PDGFD: variants seen among roughly 807,000 people sequenced by gnomAD.
PDGFD encodes the protein platelet-derived growth factor D.
In PDGFD, 30 loss-of-function variants were observed where a neutral mutation model predicts 44.7. That is an observed-to-expected ratio of 0.67 (90% CI 0.50 to 0.91). The LOEUF is 0.91. PDGFD is among the 40% of genes least tolerant of loss of function. The pLI is 0.00. For synonymous variants in PDGFD, 173 were observed against 168.4 expected (o/e 1.03, Z -0.21); for missense variants, 445 against 457.8 (o/e 0.97, Z 0.25).
At chr11:104,075,927 G>T (rs903395263) in intron 1 of PDGFD, among the ~76,000 whole-genome samples, 2 of 152,088 alleles carry the variant, frequency 1.3e-5, no homozygotes, top group African/African-American at 4.8e-5. Context: ...TATCTGATAC[G>T]GTTAGGCTTT....
chr11:104,090,814 G>A (rs1265951790), intron 1 of PDGFD, among the ~76,000 whole-genome samples: 1 of 152,072 alleles, frequency 6.6e-6, no homozygotes, highest in African/African-American at 2.4e-5. Flanking sequence ...AGGTCCAGCA[G>A]CTAAGTGCCT....
At chr11:104,103,529 G>A (rs1183541767) in intron 1 of PDGFD, among the ~76,000 whole-genome samples, 1 of 144,666 alleles carries the variant, frequency 6.9e-6, no homozygotes, top group Non-Finnish European at 1.5e-5. Context: ...TATATGGAAG[G>A]ATCTACCCAA....
At chr11:104,050,702 G>A (rs1362251924) in intron 1 of PDGFD, among the ~76,000 whole-genome samples, 3 of 152,232 alleles carry the variant, frequency 2.0e-5, no homozygotes, top group East Asian at 3.9e-4. Context: ...CAGTACTGCA[G>A]GTCTGGGGTA....
At chr11:104,144,507 C>CAAAAAAAAAAAAAAAAA (rs201864924) in intron 1 of PDGFD, among the ~76,000 whole-genome samples, 5 of 73,810 alleles carry the variant, frequency 6.8e-5, no homozygotes, top group African/African-American at 3.2e-4. Flanking sequence ...ACTCCGTCAC[C>CAAAAAAAAAAAAAAAAA]AAAAAAAAAA....
At position 103,922,645 on chromosome 11, in the gene PDGFD, G is replaced by C. The variant is rs534857243; in HGVS notation, c.987+4267C>G. 1.2e-4 allele frequency among the ~76,000 whole-genome samples: 18 copies of C among 152,226 alleles called. No individual in the cohort carries two copies. In the South Asian group the frequency reaches 2.3e-3, roughly 19 times the overall value. ...TTCTGCTGCAACCTTGAACTCCTGG[G>C]CTCAAGCAATTCTCCTGCCTCAGCC... On this transcript the variant is annotated intron_variant, in intron 6 of 6. Coordinates refer to ENST00000393158, the MANE Select transcript of PDGFD (RefSeq NM_025208.5).
intron 1 of PDGFD, among the ~76,000 whole-genome samples, chr11:104,127,574 A>G (rs377619954): frequency 8.1e-4 from 123 of 152,170 alleles, no homozygotes; most frequent in African/African-American, 2.8e-3. Context: ...AGCCTTTACC[A>G]TCACATCCAG....
At chr11:103,970,711 G>C (rs1030242337) in intron 3 of PDGFD, among the ~76,000 whole-genome samples, 8 of 152,078 alleles carry the variant, frequency 5.3e-5, no homozygotes, top group African/African-American at 1.9e-4. Context: ...TGACTTAGGG[G>C]TATATGACAC....
chr11:104,013,633 A>C (rs183063277), intron 1 of PDGFD, among the ~76,000 whole-genome samples: 1 of 152,198 alleles, frequency 6.6e-6, no homozygotes, highest in African/African-American at 2.4e-5. Flanking sequence ...TGCCTGGAAA[A>C]GTAAAGAAGA....
chr11:104,158,023 A>T (rs571781527), intron 1 of PDGFD, among the ~76,000 whole-genome samples: 24 of 152,220 alleles, frequency 1.6e-4, no homozygotes, highest in Non-Finnish European at 8.8e-5. Context: ...TTACAGGCAA[A>T]GCAGCACACA....
intron 6 of PDGFD, among the ~76,000 whole-genome samples, chr11:103,919,095 A>T (rs1005384233): frequency 6.6e-6 from 1 of 152,138 alleles, no homozygotes; most frequent in African/African-American, 2.4e-5. Flanking sequence ...GCAAATGGGG[A>T]TCTTGACTCC....
intron 1 of PDGFD, among the ~76,000 whole-genome samples, chr11:104,021,053 G>C (rs1228033308): frequency 6.6e-6 from 1 of 152,100 alleles, no homozygotes; most frequent in Non-Finnish European, 1.5e-5. Context: ...ACTGAGTAAT[G>C]TACCTGGGGT....
chr11:104,130,826 A>T (rs995024114), intron 1 of PDGFD, among the ~76,000 whole-genome samples: 5 of 152,046 alleles, frequency 3.3e-5, no homozygotes, highest in African/African-American at 1.2e-4. Context: ...CTTTTTACAG[A>T]CCTTCTAACC....
At chr11:103,912,355 C>A (rs1858041222) in intron 6 of PDGFD, among the ~76,000 whole-genome samples, 2 of 152,154 alleles carry the variant, frequency 1.3e-5, no homozygotes, top group South Asian at 4.1e-4. Flanking sequence ...ATTTTCAACC[C>A]AGAATTTCAT....
chr11:103,938,081 G>T (rs1019687972), intron 5 of PDGFD, among the ~76,000 whole-genome samples: 6 of 151,712 alleles, frequency 4.0e-5, no homozygotes, highest in African/African-American at 1.5e-4. Context: ...TAATGGGATG[G>T]CTGGGTCAAA....
At chr11:104,054,598 T>C (rs11226132) in intron 1 of PDGFD, among the ~76,000 whole-genome samples, 36,979 of 152,062 alleles carry the variant, frequency 0.24, 5,270 homozygotes, top group East Asian at 0.34. Context: ...AAAGTGCAAT[T>C]TGAGTAGAAG....
At chr11:104,128,638 T>G (rs139618194) in intron 1 of PDGFD, among the ~76,000 whole-genome samples, 2 of 152,278 alleles carry the variant, frequency 1.3e-5, no homozygotes, top group East Asian at 3.9e-4. Flanking sequence ...CAGTATAGAA[T>G]TGGTTCTGGA....
chr11:103,996,012 A>G, intron 3 of PDGFD, 53 bp downstream of exon 3: 1 of 1,495,914 alleles, frequency 6.7e-7, no homozygotes, highest in Non-Finnish European at 9.1e-7. Flanking sequence ...ATTGATCTCT[A>G]CACTTCATGA....
chr11:104,154,681 T>C (rs1014767855), intron 1 of PDGFD, among the ~76,000 whole-genome samples: 8 of 152,136 alleles, frequency 5.3e-5, no homozygotes, highest in African/African-American at 1.7e-4. Flanking sequence ...AGTTTAAAGA[T>C]AGAAGAGTAG....
intron 1 of PDGFD, among the ~76,000 whole-genome samples, chr11:104,132,398 G>A (rs559143671): frequency 6.6e-6 from 1 of 151,990 alleles, no homozygotes; most frequent in Non-Finnish European, 1.5e-5. Flanking sequence ...GATGTAACAA[G>A]ATAATTACCT....
Sources: allele counts gnomAD v4.1 joint callset (sites outside exome capture counted in the v4.1 genomes callset), GRCh38; gene constraint gnomAD v4.1.1; transcripts MANE v1.5; gene names NCBI Gene and HGNC (gene_info 2026-07-23, HGNC 2026-07-21).